PDE1C: variants seen among roughly 807,000 people sequenced by gnomAD.
The protein encoded by PDE1C is dual specificity calcium/calmodulin-dependent 3',5'-cyclic nucleotide phosphodiesterase 1C.
Under a neutral mutation model 93.1 loss-of-function variants are expected in PDE1C, and 62 were observed. The observed-to-expected ratio is 0.67, with a 90% CI of 0.54 to 0.82. The LOEUF (loss-of-function observed/expected upper bound fraction) is 0.82. Ranked by LOEUF, PDE1C falls within the 40% of genes least tolerant of loss-of-function variation. The pLI is 0.00. For missense variants in PDE1C, 742 were observed against 884.6 expected, an observed-to-expected ratio of 0.84 and a Z score of 2.04; for synonymous variants, 325 against 310.1, an observed-to-expected ratio of 1.05 and a Z score of -0.50.
the PDE1C span, among the ~76,000 whole-genome samples, chr7:31,673,245 T>C: frequency 6.6e-6 from 1 of 152,212 alleles, no homozygotes; most frequent in Non-Finnish European, 1.5e-5. Context: ...GGATTTTATA[T>C]GATTTATAGA....
chr7:32,406,117 A>AC (rs1215736479), intron 1 of PDE1C, among the ~76,000 whole-genome samples: 1 of 152,156 alleles, frequency 6.6e-6, no homozygotes, highest in Non-Finnish European at 1.5e-5. Flanking sequence ...TACGTGCCTT[A>AC]CCCCACAGAG....
chr7:31,815,835 G>A, intron 15 of PDE1C, 89 bp downstream of exon 15: 1 of 969,320 alleles, frequency 1.0e-6, no homozygotes, highest in South Asian at 1.4e-5. Context: ...CCTGTGAGCT[G>A]ACCCCATCAG....
intron 3 of PDE1C, among the ~76,000 whole-genome samples, chr7:32,161,020 GAATTTATAC>G (rs1801888333): frequency 6.6e-6 from 1 of 152,120 alleles, no homozygotes; most frequent in Non-Finnish European, 1.5e-5. Flanking sequence ...GAGATGGACT[GAATTTATAC>G]TTTCAGCTCC....
chr7:32,024,959 T>C (rs1789215371), intron 2 of PDE1C, among the ~76,000 whole-genome samples: 1 of 152,090 alleles, frequency 6.6e-6, no homozygotes, highest in Non-Finnish European at 1.5e-5. Flanking sequence ...TGTCTTCAAG[T>C]ACCAGCCCAA....
At chr7:31,780,803 TTGTGTGTGTGTGTGTGTGTGTG>T (rs55970947) in intron 16 of PDE1C, among the ~76,000 whole-genome samples, 165 of 149,724 alleles carry the variant, frequency 1.1e-3, no homozygotes, top group African/African-American at 3.8e-3. Flanking sequence ...ACGTGTGCAT[TTGTGTGTGTGTGTGTGTGTGTG>T]TGTGTGTGTG....
chr7:32,104,135 A>G (rs562976074), intron 3 of PDE1C, among the ~76,000 whole-genome samples: 1 of 152,348 alleles, frequency 6.6e-6, no homozygotes, highest in African/African-American at 2.4e-5. Flanking sequence ...ATAGTGCAGT[A>G]ACATTTCCAA....
intron 1 of PDE1C, among the ~76,000 whole-genome samples, chr7:32,315,754 G>T (rs1292650748): frequency 6.6e-6 from 1 of 152,202 alleles, no homozygotes; most frequent in South Asian, 2.1e-4. Flanking sequence ...CCAGCACTTT[G>T]GGAGGCCGAG....
At chr7:32,016,167 T>C (rs1320351558) in intron 2 of PDE1C, among the ~76,000 whole-genome samples, 1 of 152,238 alleles carries the variant, frequency 6.6e-6, no homozygotes, top group Non-Finnish European at 1.5e-5. Context: ...CCCTATGGGG[T>C]AGCCCTGCTC....
chr7:32,086,603 T>C (rs1797095229), intron 3 of PDE1C, among the ~76,000 whole-genome samples: 1 of 152,034 alleles, frequency 6.6e-6, no homozygotes, highest in Non-Finnish European at 1.5e-5. Flanking sequence ...GACTTCAAAC[T>C]ATACTACAAG....
chr7:31,918,132 A>AT (rs1012152303), intron 2 of PDE1C, among the ~76,000 whole-genome samples: 10 of 152,084 alleles, frequency 6.6e-5, no homozygotes, highest in African/African-American at 1.7e-4. Flanking sequence ...GTAGCTACCA[A>AT]TTTTTTTAAC....
intron 2 of PDE1C, among the ~76,000 whole-genome samples, chr7:32,009,295 G>A (rs1156353030): frequency 2.0e-5 from 3 of 152,168 alleles, no homozygotes; most frequent in African/African-American, 7.2e-5. Flanking sequence ...TCTGAGTCAG[G>A]AGATGGAGTT....
At chr7:32,033,650 C>T (rs1380839100) in intron 2 of PDE1C, among the ~76,000 whole-genome samples, 1 of 151,876 alleles carries the variant, frequency 6.6e-6, no homozygotes, top group Non-Finnish European at 1.5e-5. Flanking sequence ...CTTGAAACTC[C>T]ACCAGGTTCT....
chr7:32,171,750 A>G (rs1317642564), intron 2 of PDE1C, among the ~76,000 whole-genome samples: 3 of 151,248 alleles, frequency 2.0e-5, no homozygotes, highest in Non-Finnish European at 4.4e-5. Flanking sequence ...ATCATTTTAT[A>G]TCAGGCACTT....
intron 1 of PDE1C, among the ~76,000 whole-genome samples, chr7:32,387,829 A>G (rs112648053): frequency 7.9e-6 from 1 of 125,820 alleles, no homozygotes; most frequent in African/African-American, 3.1e-5. Context: ...ACCTCCCTCC[A>G]GGACGGGGCG....
chr7:31,910,578 T>C (rs1173384411), intron 2 of PDE1C, among the ~76,000 whole-genome samples: 1 of 152,200 alleles, frequency 6.6e-6, no homozygotes, highest in East Asian at 1.9e-4. Context: ...ATGAACATGA[T>C]TTGACTGTAA....
chr7:32,094,698 G>A (rs556334657), intron 3 of PDE1C, among the ~76,000 whole-genome samples: 58 of 152,310 alleles, frequency 3.8e-4, no homozygotes, highest in African/African-American at 1.3e-3. Context: ...GGTCCATTCA[G>A]CAGTGAGTTC....
At chr7:32,324,766 T>C (rs1224362166) in intron 1 of PDE1C, among the ~76,000 whole-genome samples, 1 of 152,134 alleles carries the variant, frequency 6.6e-6, no homozygotes, top group Admixed American at 6.5e-5. Context: ...CTGGGCTACA[T>C]AGCAAGACCT....
At chr7:31,631,593 G>C in the PDE1C span, among the ~76,000 whole-genome samples, 1 of 152,092 alleles carries the variant, frequency 6.6e-6, no homozygotes, top group African/African-American at 2.4e-5. Flanking sequence ...TTTTACAGAA[G>C]CGGATTTTTC....
chr7:32,059,780 A>G (rs1237542624), intron 1 of PDE1C, among the ~76,000 whole-genome samples: 2 of 152,204 alleles, frequency 1.3e-5, no homozygotes, highest in African/African-American at 4.8e-5. Context: ...AGTGGCACCA[A>G]GGAAAAAACA....
Sources: gnomAD v4.1 joint callset for allele counts (sites outside exome capture counted in the v4.1 genomes callset) on GRCh38, gnomAD v4.1.1 for gene constraint, MANE v1.5 for transcripts, NCBI Gene and HGNC (gene_info 2026-07-23, HGNC 2026-07-21) for gene names.